EFNA1: variants seen among roughly 807,000 people sequenced by gnomAD.
EFNA1 encodes ephrin-A1.
In EFNA1, 8 loss-of-function variants were observed where a neutral mutation model predicts 23.2. That is an observed-to-expected ratio of 0.34 (90% CI 0.20 to 0.62). The LOEUF (loss-of-function observed/expected upper bound fraction) is 0.62. Among genes scored for constraint, EFNA1 ranks in the 20% least tolerant of loss-of-function variants. The probability of loss-of-function intolerance (pLI) is 0.75; values close to 1 mark genes in which losing one functional copy is unlikely to be tolerated. For missense variants in EFNA1, 217 were observed against 260.0 expected, an observed-to-expected ratio of 0.83 and a Z score of 1.14; for synonymous variants, 89 against 98.6, an observed-to-expected ratio of 0.90 and a Z score of 0.58.
In EFNA1 at chr1:155,134,403, C is replaced by T; in HGVS notation, c.*336C>T. 2 of 344,134 alleles carry T rather than the reference C, an allele frequency of 5.8e-6. No individual in the cohort carries two copies. Among genetic ancestry groups the T allele is most frequent in the Non-Finnish European group, 1.1e-5 (2 of 181,274 alleles). 21.3% of individuals were successfully genotyped at this position (344,134 alleles called of 1,614,324 possible). A position where few individuals can be genotyped will look rare whatever the true frequency, so the allele number is the denominator to read the frequency against. On this transcript the variant is annotated 3_prime_UTR_variant, in exon 5 of 5. Coordinates refer to ENST00000368407, the MANE Select transcript of EFNA1 (RefSeq NM_004428.3). ...ACAGTGGGAGCTGAGCTGGAAGGGGCCACGTGGATGGGCAAAGCTTGTCAA... is the reference window on the plus strand; with the variant it reads ...ACAGTGGGAGCTGAGCTGGAAGGGGTCACGTGGATGGGCAAAGCTTGTCAA...
Position 155,133,759 on chromosome 1 carries a change from CAGG to C in EFNA1, c.487_489del (p.Glu163del), listed in dbSNP as rs748652115. 8.1e-6 allele frequency: 13 copies of C among 1,614,038 alleles called. No individual in the cohort carries two copies. In the South Asian group the frequency reaches 8.8e-5, roughly 11 times the overall value. ...CAGTCCTCAGGCCCATGACAATCCACAGGAGAAGAGACTTGCAGCAGGTGGGTA... is the reference window on the plus strand; with the variant it reads ...CAGTCCTCAGGCCCATGACAATCCACAGAAGAGACTTGCAGCAGGTGGGTA... On this transcript the variant is annotated inframe_deletion, in exon 4 of 5. Transcript: ENST00000368407.
intron 1 of EFNA1, among the ~76,000 whole-genome samples, chr1:155,130,337 C>G (rs1480695901): frequency 6.6e-6 from 1 of 152,070 alleles, no homozygotes; most frequent in Non-Finnish European, 1.5e-5. Flanking sequence ...TTTCCCCCTA[C>G]TGGGACCCCA....
rs557188950 is a variant in EFNA1, at chr1:155,131,216, C to T, written c.93-123C>T. On this transcript the variant is annotated intron_variant, in intron 1 of 4. Coordinates refer to ENST00000368407, the MANE Select transcript of EFNA1 (RefSeq NM_004428.3). ...GATCAGTACATATTGGGAGTTGAAA[C>T]TTCGGAAAAATCTCTTGGGGTCCAG... is the stretch of plus-strand genomic sequence containing the variant. 7 of 1,412,638 alleles carry T rather than the reference C, an allele frequency of 5.0e-6. No individual in the cohort carries two copies. In the East Asian group the frequency reaches 1.4e-4, roughly 28 times the overall value. The allele number at this position is 1,412,638 out of a possible 1,614,324, so 87.5% of individuals were successfully genotyped here.
intron 1 of EFNA1, chr1:155,131,100 T>C: frequency 1.5e-6 from 2 of 1,339,678 alleles, no homozygotes. Context: ...ACCCGAAAGA[T>C]ACTGAGTGAA....
Position 155,131,564 on chromosome 1 carries a change from G to T in EFNA1, c.318G>T (p.Glu106Asp). Residue 106 changes from glutamate to aspartate, a missense_variant, in exon 2 of 5, where the codon GAG (glutamate) becomes GAT (aspartate). Glu to Asp is a conservative substitution (Grantham distance 45). Coordinates refer to ENST00000368407, the MANE Select transcript of EFNA1 (RefSeq NM_004428.3). The stretch of plus-strand genomic sequence containing the variant: ...AGCATGGCCCGGAGAAGCTGTCTGA[G>T]AAGTTCCAGCGCTTCACACCTTTCA... ...SAKHGPEKLS[E>D]KFQRFTPFTL... The T allele has an allele frequency of 6.2e-7, 1 of 1,614,062 alleles. No individual in the cohort carries two copies. The highest frequency in any genetic ancestry group is 8.5e-7 in the Non-Finnish European group (1 of 1,180,024).
chr1:155,133,256 G>A (rs973041570), intron 2 of EFNA1, among the ~76,000 whole-genome samples: 3 of 152,072 alleles, frequency 2.0e-5, no homozygotes, highest in Admixed American at 6.6e-5. Flanking sequence ...ATTCAGACTC[G>A]GAGGAATGAA....
intron 1 of EFNA1, 103 bp from the exon 2 acceptor site, chr1:155,131,236 G>GT (rs1664233619): frequency 6.9e-7 from 1 of 1,452,362 alleles, no homozygotes; most frequent in Admixed American, 2.0e-5. Flanking sequence ...ATCTCTTGGG[G>GT]TCCAGTGTGA....
chr1:155,133,401 G>A (rs1266833787), intron 2 of EFNA1, 102 bp from the exon 3 acceptor site: 1 of 1,317,700 alleles, frequency 7.6e-7, no homozygotes, highest in Non-Finnish European at 1.1e-6. Flanking sequence ...AGAGAAGAAT[G>A]AAATTGAGTA....
rs748610611 is a variant in EFNA1 at position 155,131,293 on chromosome 1, G to A, written c.93-46G>A. ...ATTCAGAGGCCCAAGGATCTGGCCT[G>A]GCTTCTGAATGACCACCTGCTTCTT... On this transcript the variant is annotated intron_variant, in intron 1 of 4. Coordinates refer to ENST00000368407, the MANE Select transcript of EFNA1 (RefSeq NM_004428.3). 3.8e-6 allele frequency: 6 copies of A among 1,576,242 alleles called. No homozygotes were observed. In the Admixed American group the frequency reaches 6.8e-5, roughly 18 times the overall value.
At chr1:155,132,257 A>G (rs1391145323) in intron 2 of EFNA1, among the ~76,000 whole-genome samples, 2 of 151,864 alleles carry the variant, frequency 1.3e-5, no homozygotes, top group Admixed American at 6.6e-5. Flanking sequence ...TATTATTATT[A>G]TTACTCTTGA....
Position 155,131,418 on chromosome 1 carries a change from T to G in EFNA1, c.172T>G (p.Ser58Ala). ...DIICPHYEDHSVADAAMEQYI... is the reference protein window; with the variant it reads ...DIICPHYEDHAVADAAMEQYI... Reference sequence around the variant, plus strand: ...CATCTGTCCGCACTATGAAGATCACTCTGTGGCAGACGCTGCCATGGAGCA... The same window carrying G: ...CATCTGTCCGCACTATGAAGATCACGCTGTGGCAGACGCTGCCATGGAGCA... The change falls in exon 2 of 5, where the codon TCT becomes GCT. Residue 58 changes from serine (S) to alanine (A), a missense_variant. By Grantham distance (99) the Ser-to-Ala change is moderately conservative (BLOSUM62 1). Coordinates refer to ENST00000368407, the MANE Select transcript of EFNA1 (RefSeq NM_004428.3). 6.2e-7 allele frequency: 1 copy of G among 1,614,170 alleles called. No individual in the cohort carries two copies. The highest frequency in any genetic ancestry group is 1.1e-5 in the South Asian group (1 of 91,082).
intron 2 of EFNA1, 114 bp downstream of exon 2, chr1:155,131,748 C>T (rs1216047274): frequency 8.4e-7 from 1 of 1,194,434 alleles, no homozygotes; most frequent in African/African-American, 1.5e-5. Flanking sequence ...ATCTTGAATT[C>T]TATTTTCATT....
intron 1 of EFNA1, chr1:155,130,936 T>C (rs943560166): frequency 1.3e-5 from 13 of 985,240 alleles, no homozygotes; most frequent in African/African-American, 1.0e-4. Flanking sequence ...GGGTCTCAGA[T>C]TGAGGCCTAA....
intron 1 of EFNA1, chr1:155,130,914 A>G (rs763644078): frequency 5.1e-6 from 5 of 985,384 alleles, no homozygotes; most frequent in Non-Finnish European, 6.0e-6. Flanking sequence ...TGATTACAGA[A>G]TGGACCTGTG....
chr1:155,132,852 G>T (rs2102472145), intron 2 of EFNA1, among the ~76,000 whole-genome samples: 1 of 152,116 alleles, frequency 6.6e-6, no homozygotes, highest in Non-Finnish European at 1.5e-5. Flanking sequence ...TATGAGATCA[G>T]CTTTGTATAA....
chr1:155,131,630 C>T lies in EFNA1; in HGVS notation c.384C>T (p.Tyr128=), dbSNP rs760903825. 8 of 1,608,494 alleles carry T rather than the reference C, an allele frequency of 5.0e-6. No homozygotes were observed. The highest frequency in any genetic ancestry group is 1.7e-5 in the Admixed American group (1 of 59,922). ...TCAAAGAAGGACACAGCTACTACTACATCTGTGAGTGCCTGTGAGGGGACA... is the reference window on the plus strand; with the variant it reads ...TCAAAGAAGGACACAGCTACTACTATATCTGTGAGTGCCTGTGAGGGGACA... ...KEFKEGHSYY[Y]ISKPIHQHED... The change falls in exon 2 of 5, where the codon TAC becomes TAT. Residue 128 remains tyrosine, a synonymous_variant. Transcript: ENST00000368407.
chr1:155,130,502 G>A (rs1664213034), intron 1 of EFNA1: 1 of 983,092 alleles, frequency 1.0e-6, no homozygotes. Flanking sequence ...GGAGGAGAGA[G>A]GGGAGAGAGG....
rs752463962 is a variant in EFNA1, at chr1:155,133,583, C to G, written c.454+15C>G. The G allele has an allele frequency of 6.2e-7, 1 of 1,613,646 alleles. No homozygotes were observed. Among genetic ancestry groups the G allele is most frequent in the Admixed American group, 1.7e-5 (1 of 59,882 alleles). On this transcript the variant is annotated intron_variant, in intron 3 of 4. Coordinates refer to ENST00000368407, the MANE Select transcript of EFNA1 (RefSeq NM_004428.3). ...TGGCAAAATCAGTGAGTGTCAGAGC[C>G]CTGTGGGCCTCCTTCCTCCATCTCT...
chr1:155,131,225 A>C, intron 1 of EFNA1, 114 bp from the exon 2 acceptor site: 8 of 1,430,926 alleles, frequency 5.6e-6, no homozygotes, highest in Non-Finnish European at 7.5e-6. Context: ...ACTTCGGAAA[A>C]ATCTCTTGGG....
Sources: gnomAD v4.1 joint callset for allele counts (sites outside exome capture counted in the v4.1 genomes callset) on GRCh38, gnomAD v4.1.1 for gene constraint, MANE v1.5 for transcripts, NCBI Gene and HGNC (gene_info 2026-07-23, HGNC 2026-07-21) for gene names.